RAPGEF4: variants seen among roughly 807,000 people sequenced by gnomAD.
RAPGEF4 encodes the protein RAP guanine-nucleotide-exchange factor (GEF) 4.
Under a neutral mutation model 147.9 loss-of-function variants are expected in RAPGEF4, and 66 were observed. The ratio of observed to expected loss-of-function variants is 0.45; its 90% CI spans 0.37 to 0.55. The LOEUF (loss-of-function observed/expected upper bound fraction) is 0.55. RAPGEF4 is among the 20% of genes least tolerant of loss of function. The pLI is 0.00. For synonymous variants in RAPGEF4, 419 were observed against 442.7 expected (o/e 0.95, Z 0.67); for missense variants, 1,071 against 1,257.3 (o/e 0.85, Z 2.24).
intron 4 of RAPGEF4, among the ~76,000 whole-genome samples, chr2:172,844,499 C>T (rs974068815): frequency 1.3e-5 from 2 of 152,168 alleles, no homozygotes; most frequent in Non-Finnish European, 2.9e-5. Flanking sequence ...TTGCCTCCTT[C>T]CTCTCCTCCT....
intron 10 of RAPGEF4, among the ~76,000 whole-genome samples, chr2:172,978,734 T>G (rs1446981): frequency 0.64 from 98,128 of 152,180 alleles, 31,884 homozygotes; most frequent in East Asian, 0.9. Context: ...GCTGCTTCCA[T>G]TCTTGTTTCT....
chr2:172,816,497 T>A (rs1688516985), intron 4 of RAPGEF4, among the ~76,000 whole-genome samples: 1 of 152,222 alleles, frequency 6.6e-6, no homozygotes, highest in Non-Finnish European at 1.5e-5. Flanking sequence ...ATGTGAAAAG[T>A]GATGCTGAGG....
chr2:173,040,451 C>T (rs1388329438), intron 29 of RAPGEF4, among the ~76,000 whole-genome samples: 1 of 152,192 alleles, frequency 6.6e-6, no homozygotes, highest in African/African-American at 2.4e-5. Flanking sequence ...CATCCATCGT[C>T]AAGGCCCAGG....
In RAPGEF4 at chr2:172,954,145, G is replaced by A. The variant is rs1051981662; in HGVS notation, c.538-6615G>A. ...AGTAGGTAAAACTCACATAGTGTGG[G>A]TGCCCAGCTGAAAACGCCCCATCCC... On this transcript the variant is annotated intron_variant, in intron 6 of 30. Transcript: ENST00000397081. Among the ~76,000 whole-genome samples, 7 of 152,246 alleles carry A rather than the reference G, an allele frequency of 4.6e-5. No individual in the cohort carries two copies. The East Asian group carries it at 1.4e-3, about 29-fold the overall frequency.
intron 10 of RAPGEF4, among the ~76,000 whole-genome samples, chr2:172,977,957 G>T (rs941325323): frequency 3.9e-5 from 6 of 152,128 alleles, no homozygotes; most frequent in Admixed American, 3.9e-4. Flanking sequence ...ACAGGGTTGG[G>T]GTTTTGTTCT....
chr2:173,013,941 C>G (rs186058402), intron 17 of RAPGEF4, among the ~76,000 whole-genome samples: 2 of 152,264 alleles, frequency 1.3e-5, no homozygotes, highest in East Asian at 3.9e-4. Flanking sequence ...GTTTATCTAC[C>G]TCCAGCCTCT....
chr2:172,884,007 G>A (rs1353022756), intron 4 of RAPGEF4, among the ~76,000 whole-genome samples: 4 of 152,144 alleles, frequency 2.6e-5, no homozygotes, highest in Non-Finnish European at 5.9e-5. Context: ...AGCAGCTATG[G>A]TATCACACCA....
At chr2:172,961,037 A>T in intron 7 of RAPGEF4, 85 bp from the exon 8 acceptor site, 1 of 1,089,492 alleles carries the variant, frequency 9.2e-7, no homozygotes, top group Non-Finnish European at 1.4e-6. Context: ...GTCAGATTGG[A>T]AAGTGGTTTC....
intron 23 of RAPGEF4, among the ~76,000 whole-genome samples, chr2:173,020,993 T>C (rs1696034272): frequency 6.6e-6 from 1 of 152,234 alleles, no homozygotes; most frequent in African/African-American, 2.4e-5. Context: ...ATGTCCCCAG[T>C]TTAAATATTA....
chr2:172,996,612 G>A (rs2290374), intron 16 of RAPGEF4, 58 bp downstream of exon 16: 481,680 of 1,226,312 alleles, frequency 0.39, 98,928 homozygotes, highest in East Asian at 0.78. Context: ...TTGTTTAAAA[G>A]TCCTGAATTC....
chr2:173,050,210 G>C (rs1312814891), intron 30 of RAPGEF4, among the ~76,000 whole-genome samples: 1 of 152,202 alleles, frequency 6.6e-6, no homozygotes, highest in Non-Finnish European at 1.5e-5. Context: ...ACAATCTATA[G>C]ATAAAGCTAT....
At chr2:172,842,213 A>T (rs1385711641) in intron 4 of RAPGEF4, among the ~76,000 whole-genome samples, 2 of 152,172 alleles carry the variant, frequency 1.3e-5, no homozygotes, top group Non-Finnish European at 2.9e-5. Flanking sequence ...ATTCAATGGC[A>T]GGTCTTTATT....
At chr2:172,819,461 C>CTTTTGTTTTT (rs1688832915) in intron 4 of RAPGEF4, among the ~76,000 whole-genome samples, 1 of 87,008 alleles carries the variant, frequency 1.1e-5, no homozygotes, top group African/African-American at 4.6e-5. Flanking sequence ...ATTTTTAGTT[C>CTTTTGTTTTT]TTTTTTTTTT....
intron 4 of RAPGEF4, among the ~76,000 whole-genome samples, chr2:172,818,058 C>T (rs1300807096): frequency 6.6e-6 from 1 of 151,106 alleles, no homozygotes; most frequent in Non-Finnish European, 1.5e-5. Context: ...AATTGGAGAC[C>T]ATTATCCTAA....
chr2:172,861,628 A>T (rs1384235565), intron 4 of RAPGEF4, among the ~76,000 whole-genome samples: 2 of 152,238 alleles, frequency 1.3e-5, no homozygotes, highest in African/African-American at 4.8e-5. Context: ...TATGTCTTCC[A>T]TCTTGTCCTA....
chr2:173,019,939 C>G (rs528767738), intron 22 of RAPGEF4, among the ~76,000 whole-genome samples: 19 of 152,216 alleles, frequency 1.2e-4, no homozygotes, highest in African/African-American at 4.6e-4. Context: ...TATTTCTTTT[C>G]TTTATTGTTG....
chr2:172,736,028 G>T lies in RAPGEF4; in HGVS notation c.45G>T (p.Trp15Cys). The T allele has an allele frequency of 6.8e-7, 1 of 1,469,266 alleles. No homozygotes were observed. The highest frequency in any genetic ancestry group is 9.0e-7 in the Non-Finnish European group (1 of 1,110,230). The allele number at this position is 1,469,266 out of a possible 1,614,324, so 91.0% of individuals were successfully genotyped here. A position where few individuals can be genotyped will look rare whatever the true frequency, so the allele number is the denominator to read the frequency against. Residue 15 changes from tryptophan to cysteine, a missense_variant, in exon 1 of 31, where the codon TGG becomes TGT. By Grantham distance (215) the Trp-to-Cys change is radical. Coordinates refer to ENST00000397081, the MANE Select transcript of RAPGEF4 (RefSeq NM_007023.4). ...CCCATTCTTCCTCCTCTGCCGAGTG[G>T]ATCGCCTGCCTGGATAAAAGGTAGC... Reference protein sequence around the residue: ...HAAHSSSSAEWIACLDKRPLE... With the variant: ...HAAHSSSSAECIACLDKRPLE...
chr2:172,760,071 T>C (rs1315106721), intron 1 of RAPGEF4, among the ~76,000 whole-genome samples: 1 of 152,172 alleles, frequency 6.6e-6, no homozygotes, highest in Non-Finnish European at 1.5e-5. Context: ...AGCTTACTCT[T>C]TGTAGCCATA....
intron 4 of RAPGEF4, among the ~76,000 whole-genome samples, chr2:172,841,286 CT>C (rs1691560024): frequency 6.6e-6 from 1 of 152,178 alleles, no homozygotes; most frequent in African/African-American, 2.4e-5. Flanking sequence ...CTCCTTCCCC[CT>C]TTCTTCCTTT....
Sources: gnomAD v4.1 joint callset for allele counts (sites outside exome capture counted in the v4.1 genomes callset) on GRCh38, gnomAD v4.1.1 for gene constraint, MANE v1.5 for transcripts, NCBI Gene and HGNC (gene_info 2026-07-23, HGNC 2026-07-21) for gene names.